Variants in FLII observed in about 807,000 individuals in gnomAD.
The protein encoded by FLII is FLII actin remodeling protein.
In FLII, 101 loss-of-function variants were observed where a neutral mutation model predicts 156.2. The observed-to-expected ratio is 0.65, with a 90% CI of 0.55 to 0.76. FLII has a LOEUF of 0.76. FLII is among the 30% of genes least tolerant of loss of function. The pLI is 0.00. For missense variants in FLII, 1,675 were observed against 1,682.8 expected, an observed-to-expected ratio of 1.00 and a Z score of 0.08; for synonymous variants, 767 against 685.8, an observed-to-expected ratio of 1.12 and a Z score of -1.85.
intron 11 of FLII, 22 bp downstream of exon 11, chr17:18,251,977 G>C: frequency 6.2e-7 from 1 of 1,610,630 alleles, no homozygotes; most frequent in South Asian, 1.1e-5. Context: ...CCCGTTCCCA[G>C]GCCAGACCTT....
chr17:18,253,472 G>A lies in FLII; in HGVS notation c.856-14C>T, dbSNP rs375783447. On this transcript the variant is annotated splice_polypyrimidine_tract_variant and intron_variant, in intron 8 of 29. Transcript: ENST00000327031. ...GCAAATGGCTGACTGGAGGGGGAAC[G>A]GGCAGGGGTGGGAGGTCAGGGCCAG... is the stretch of plus-strand genomic sequence containing the variant. 19 of 1,613,712 alleles carry A rather than the reference G, an allele frequency of 1.2e-5. No homozygotes were observed. The highest frequency in any genetic ancestry group is 1.0e-4 in the Admixed American group (6 of 60,004).
At chr17:18,249,672 C>G (rs894905102) in intron 14 of FLII, among the ~76,000 whole-genome samples, 1 of 151,942 alleles carries the variant, frequency 6.6e-6, no homozygotes, top group Non-Finnish European at 1.5e-5. Context: ...TGCCTGTAAT[C>G]CCAGCTACTC....
chr17:18,255,129 G>A (rs1043373257), intron 4 of FLII, 54 bp downstream of exon 4: 10 of 1,361,480 alleles, frequency 7.3e-6, no homozygotes, highest in Admixed American at 1.7e-5. Context: ...TATAGTGAGT[G>A]GGGATTGAAT....
At chr17:18,252,251 C>A in intron 10 of FLII, 105 bp from the exon 11 acceptor site, 1 of 1,146,194 alleles carries the variant, frequency 8.7e-7, no homozygotes, top group South Asian at 1.3e-5. Flanking sequence ...GCTGAGAGGT[C>A]AGGGAACTGG....
intron 20 of FLII, 28 bp downstream of exon 20, chr17:18,247,629 G>A: frequency 1.9e-6 from 3 of 1,546,804 alleles, no homozygotes; most frequent in Non-Finnish European, 2.6e-6. Flanking sequence ...AGGATCCTGG[G>A]GAGGGGCCTC....
At chr17:18,255,329 G>T in intron 3 of FLII, 66 bp from the exon 4 acceptor site, 1 of 1,317,502 alleles carries the variant, frequency 7.6e-7, no homozygotes, top group Non-Finnish European at 1.1e-6. Flanking sequence ...AGAGTCTAGA[G>T]AGGGACACCT....
chr17:18,246,959 C>T lies in FLII; in HGVS notation c.2770G>A (p.Glu924Lys), dbSNP rs1257448477. 1 of 1,614,172 alleles carries T rather than the reference C, an allele frequency of 6.2e-7. No homozygotes were observed. The highest frequency in any genetic ancestry group is 8.5e-7 in the Non-Finnish European group (1 of 1,180,026). The change falls in exon 22 of 30, where the codon GAG (glutamate) becomes AAG (lysine). Residue 924 changes from glutamate to lysine, a missense_variant. Coordinates refer to ENST00000327031, the MANE Select transcript of FLII (RefSeq NM_002018.4). ...TCCTGCGTGTAGAAGTGGCCAAACT[C>T]CTCTTCCGGCAGCCGCGCAAACTTC... The part of the protein sequence containing the change: ...GKKFARLPEE[E>K]FGHFYTQDCY...
Position 18,246,008 on chromosome 17 carries a change from C to T in FLII, c.3322G>A (p.Ala1108Thr), listed in dbSNP as rs765097929. ...AACTTGGCTTCGTCAGGGTCTGATG[C>T]CCGGCCCACCCAGGCATACACGATG... The part of the protein sequence containing the change: ...QGIVYAWVGR[A>T]SDPDEAKLAE... The change falls in exon 26 of 30, where the codon GCA (alanine) becomes ACA (threonine). Residue 1108 changes from alanine to threonine, a missense_variant. This residue lies in a region of FLII where 1,332 missense variants were observed against 1,269.3 expected (regional missense o/e 1.05). Transcript: ENST00000327031. 1.2e-6 allele frequency: 2 copies of T among 1,614,130 alleles called. No homozygotes were observed. Among genetic ancestry groups the T allele is most frequent in the Non-Finnish European group, 1.7e-6 (2 of 1,180,030 alleles).
Position 18,253,292 on chromosome 17 carries a change from GC to G in FLII, c.1013+8del. 1 of 1,613,704 alleles carries G rather than the reference GC, an allele frequency of 6.2e-7. No homozygotes were observed. ...AAGTGCCTCTGCTAGCCCCAGCCCT[GC>G]CCAGCACCTGCAGAGACTTTCAGGG... On this transcript the variant is annotated splice_region_variant and intron_variant, in intron 9 of 29. Transcript: ENST00000327031.
intron 11 of FLII, 76 bp from the exon 12 acceptor site, chr17:18,251,892 C>T (rs1001820523): frequency 1.9e-6 from 3 of 1,606,952 alleles, no homozygotes; most frequent in Non-Finnish European, 2.5e-6. Context: ...CAGGGGCCAA[C>T]TCCACCCACC....
At chr17:18,247,141 C>G (rs776056016) in intron 21 of FLII, 28 bp downstream of exon 21, 24 of 1,365,808 alleles carry the variant, frequency 1.8e-5, no homozygotes, top group East Asian at 1.0e-4. Flanking sequence ...CCCCCCCCCC[C>G]GCGCCCCGGT....
chr17:18,244,883 C>T lies in FLII; in HGVS notation c.*255G>A, dbSNP rs1367915428. 6.4e-6 allele frequency: 3 copies of T among 465,902 alleles called. No individual in the cohort carries two copies. Among genetic ancestry groups the T allele is most frequent in the Non-Finnish European group, 1.1e-5 (3 of 262,914 alleles). 28.9% of individuals were successfully genotyped at this position (465,902 alleles called of 1,614,324 possible). A position where few individuals can be genotyped will look rare whatever the true frequency, so the allele number is the denominator to read the frequency against. On this transcript the variant is annotated 3_prime_UTR_variant, in exon 30 of 30. Coordinates refer to ENST00000327031, the MANE Select transcript of FLII (RefSeq NM_002018.4). Reference sequence around the variant, plus strand: ...CATTTAATATCTCTTAAAGGGCATCCACATCTGCTTTATCCCTAGCGGAAG... The same window carrying T: ...CATTTAATATCTCTTAAAGGGCATCTACATCTGCTTTATCCCTAGCGGAAG...
In FLII at chr17:18,253,355, TC is replaced by T; in HGVS notation, c.958del (p.Glu320LysfsTer23). ...PSGIGKLTNLEEFMAANNNLE... is the reference protein window; with the variant it reads ...PSGIGKLTNLXEFMAANNNLE... Reference sequence around the variant, plus strand: ...GTTGTTGTTGGCAGCCATGAACTCTTCCAGGTTGGTGAGCTTGCCAATGCCT... The same window carrying T: ...GTTGTTGTTGGCAGCCATGAACTCTTCAGGTTGGTGAGCTTGCCAATGCCT... On this transcript the variant is annotated frameshift_variant, in exon 9 of 30. Coordinates refer to ENST00000327031, the MANE Select transcript of FLII (RefSeq NM_002018.4). LOFTEE classifies it high-confidence loss of function. 1 of 1,613,938 alleles carries T rather than the reference TC, an allele frequency of 6.2e-7. No homozygotes were observed. Among genetic ancestry groups the T allele is most frequent in the Non-Finnish European group, 8.5e-7 (1 of 1,180,010 alleles).
Position 18,246,433 on chromosome 17 carries a change from G to A in FLII, c.3081C>T (p.Asn1027=). The change falls in exon 24 of 30, where the codon AAC becomes AAT. Residue 1027 remains asparagine (N), a synonymous_variant. Transcript: ENST00000327031. Reference sequence around the variant, plus strand: ...TCTTGAAATGGGACAGGAACTTGGGGTTCTCCTGCTGCTGCGTCATGCGTA... The same window carrying A: ...TCTTGAAATGGGACAGGAACTTGGGATTCTCCTGCTGCTGCGTCATGCGTA... ...EVVRMTQQQE[N]PKFLSHFKRK... The A allele has an allele frequency of 6.2e-7, 1 of 1,613,984 alleles. No individual in the cohort carries two copies. Among genetic ancestry groups the A allele is most frequent in the Non-Finnish European group, 8.5e-7 (1 of 1,179,998 alleles).
intron 14 of FLII, among the ~76,000 whole-genome samples, chr17:18,249,980 G>GCTAC (rs2048209879): frequency 6.6e-6 from 1 of 151,870 alleles, no homozygotes; most frequent in South Asian, 2.1e-4. Flanking sequence ...AATTAGCTAG[G>GCTAC]CGTGGTAGCA....
chr17:18,251,149 G>A (rs897823915), intron 13 of FLII, 116 bp downstream of exon 13: 25 of 1,403,846 alleles, frequency 1.8e-5, no homozygotes, highest in Non-Finnish European at 2.4e-5. Context: ...ACCACCTCCT[G>A]CAGCCTGCCC....
intron 9 of FLII, 31 bp downstream of exon 9, chr17:18,253,270 T>C (rs765020393): frequency 6.2e-7 from 1 of 1,612,230 alleles, no homozygotes; most frequent in African/African-American, 1.3e-5. Flanking sequence ...GTGCTGCAAG[T>C]GCCTCTGCTA....
At position 18,256,545 on chromosome 17, in the gene FLII, G is replaced by C. The variant is rs1567718666; in HGVS notation, c.227C>G (p.Ser76Cys). ...ACTCACGCGCAGCGATGGCAGGCTG[G>C]ACAGCTCCCCATGAAGCGTGGTCAG... ...NNLTTLHGELSSLPSLRAIVA... is the reference protein window; with the variant it reads ...NNLTTLHGELCSLPSLRAIVA... The change falls in exon 3 of 30, where the codon TCC becomes TGC. Residue 76 changes from serine (S) to cysteine (C), a missense_variant. Ser to Cys is a moderately radical substitution (Grantham distance 112, BLOSUM62 -1). This residue lies in a region of FLII where 343 missense variants were observed against 413.5 expected (regional missense o/e 0.83). Coordinates refer to ENST00000327031, the MANE Select transcript of FLII (RefSeq NM_002018.4). 6.4e-7 allele frequency: 1 copy of C among 1,551,668 alleles called. No individual in the cohort carries two copies. The highest frequency in any genetic ancestry group is 8.7e-7 in the Non-Finnish European group (1 of 1,146,992).
At chr17:18,254,929 C>T (rs1225957094) in intron 4 of FLII, 75 bp from the exon 5 acceptor site, 1 of 1,469,534 alleles carries the variant, frequency 6.8e-7, no homozygotes, top group East Asian at 2.3e-5. Flanking sequence ...GGGGATCAGG[C>T]AGGGCACTGA....
Sources: allele counts gnomAD v4.1 joint callset (sites outside exome capture counted in the v4.1 genomes callset), GRCh38; gene constraint gnomAD v4.1.1; regional missense constraint gnomAD v4.1.1; transcripts MANE v1.5; gene names NCBI Gene and HGNC (gene_info 2026-07-23, HGNC 2026-07-21).